PRSS55: variants seen among roughly 807,000 people sequenced by gnomAD.
The protein encoded by PRSS55 is serine protease 55.
Under a neutral mutation model 23.6 loss-of-function variants are expected in PRSS55, and 41 were observed. The ratio of observed to expected loss-of-function variants is 1.74; its 90% CI spans 1.35 to 2.26. PRSS55 has a LOEUF of 2.26. Among genes scored for constraint, PRSS55 ranks in the 30% most tolerant of loss-of-function variants. The probability of loss-of-function intolerance (pLI) is 0.00; values close to 1 mark genes in which losing one functional copy is unlikely to be tolerated. For missense variants in PRSS55, 669 were observed against 439.1 expected, an observed-to-expected ratio of 1.52 and a Z score of -4.68; for synonymous variants, 262 against 175.5, an observed-to-expected ratio of 1.49 and a Z score of -3.90.
rs1811983276 is a variant in PRSS55, at chr8:10,525,561, C to CG, written c.-22dup. On this transcript the variant is annotated 5_prime_UTR_variant, in exon 1 of 5. Coordinates refer to ENST00000328655, the MANE Select transcript of PRSS55 (RefSeq NM_198464.4). Reference sequence around the variant, plus strand: ...CCTCAGCCCTGGCCTCTGTCACCCCCGGGCCCACAGCACAGCCCAGGGCCA... The same window carrying CG: ...CCTCAGCCCTGGCCTCTGTCACCCCCGGGGCCCACAGCACAGCCCAGGGCCA... 1.2e-6 allele frequency: 2 copies of CG among 1,604,796 alleles called. No homozygotes were observed. The highest frequency in any genetic ancestry group is 1.7e-6 in the Non-Finnish European group (2 of 1,173,446).
chr8:10,535,492 T>A (rs1812423000), intron 4 of PRSS55, among the ~76,000 whole-genome samples: 1 of 152,224 alleles, frequency 6.6e-6, no homozygotes, highest in African/African-American at 2.4e-5. Flanking sequence ...CGATAAATGG[T>A]GTTGGGATAA....
At chr8:10,532,292 C>CA (rs1438192849) in intron 3 of PRSS55, among the ~76,000 whole-genome samples, 2 of 152,114 alleles carry the variant, frequency 1.3e-5, no homozygotes, top group Non-Finnish European at 2.9e-5. Flanking sequence ...AGAGGAGGCA[C>CA]ATGGGCATGC....
At chr8:10,545,774 C>T (rs1375124473) in intron 4 of PRSS55, among the ~76,000 whole-genome samples, 1 of 152,218 alleles carries the variant, frequency 6.6e-6, no homozygotes, top group Non-Finnish European at 1.5e-5. Context: ...ACTCACAAAG[C>T]ATCTCAGCGT....
At chr8:10,534,082 T>G (rs1462012725) in intron 4 of PRSS55, among the ~76,000 whole-genome samples, 1 of 151,808 alleles carries the variant, frequency 6.6e-6, no homozygotes, top group Non-Finnish European at 1.5e-5. Context: ...CACATGAACC[T>G]TGTATTTTCT....
At chr8:10,532,501 G>A (rs1295133398) in intron 3 of PRSS55, among the ~76,000 whole-genome samples, 3 of 152,102 alleles carry the variant, frequency 2.0e-5, no homozygotes, top group Non-Finnish European at 4.4e-5. Flanking sequence ...CACCGGGAGT[G>A]CAAACCCACT....
rs1398963139 is a variant in PRSS55 at position 10,531,288 on chromosome 8, C to G, written c.348-7C>G. 1 of 1,612,784 alleles carries G rather than the reference C, an allele frequency of 6.2e-7. No individual in the cohort carries two copies. Among genetic ancestry groups the G allele is most frequent in the Non-Finnish European group, 8.5e-7 (1 of 1,178,954 alleles). On this transcript the variant is annotated splice_polypyrimidine_tract_variant and splice_region_variant and intron_variant, in intron 2 of 4. Transcript: ENST00000328655. ...CCACTTGCCCCTCTCTGGTTCTCTG[C>G]CACCAGTCCAGAAGAACTGAGTGTC...
chr8:10,542,403 G>C, downstream of PRSS55, among the ~76,000 whole-genome samples: 1 of 111,038 alleles, frequency 9.0e-6, no homozygotes, highest in African/African-American at 3.6e-5. Context: ...ATTTGGCCTA[G>C]AAGCACCATG....
chr8:10,529,847 C>A lies in PRSS55; in HGVS notation c.347+148C>A. 1.0e-5 allele frequency: 8 copies of A among 796,534 alleles called. 1 individual carries two copies. The highest frequency in any genetic ancestry group is 5.1e-5 in the South Asian group (3 of 58,688). The allele number at this position is 796,534 out of a possible 1,614,324, so 49.3% of individuals were successfully genotyped here. A position where few individuals can be genotyped will look rare whatever the true frequency, so the allele number is the denominator to read the frequency against. On this transcript the variant is annotated intron_variant, in intron 2 of 4. Coordinates refer to ENST00000328655, the MANE Select transcript of PRSS55 (RefSeq NM_198464.4). ...TGGCTCCCACCCATCCACCCACCCC[C>A]CAGCCTGTGGGGACGTGGAGGTAGC...
intron 4 of PRSS55, among the ~76,000 whole-genome samples, chr8:10,538,040 T>C (rs949589143): frequency 6.6e-6 from 1 of 152,212 alleles, no homozygotes; most frequent in Non-Finnish European, 1.5e-5. Flanking sequence ...TCTGTGCTTC[T>C]GCAAGAACAC....
At chr8:10,544,116 G>C (rs1812748595) in intron 4 of PRSS55, among the ~76,000 whole-genome samples, 1 of 150,986 alleles carries the variant, frequency 6.6e-6, no homozygotes, top group Non-Finnish European at 1.5e-5. Flanking sequence ...TATTTAACAT[G>C]AGATTTAAGT....
At position 10,532,991 on chromosome 8, in the gene PRSS55, AC is replaced by A; in HGVS notation, c.685del (p.Thr230ProfsTer41). On this transcript the variant is annotated frameshift_variant, in exon 4 of 5. Coordinates refer to ENST00000328655, the MANE Select transcript of PRSS55 (RefSeq NM_198464.4). LOFTEE classifies it high-confidence loss of function. The part of the protein sequence containing the change: ...WEECSKMFPK[L>X]TKNMLCAGYK... Reference sequence around the variant, plus strand: ...AGGAGTGTTCAAAGATGTTTCCAAAACTTACCAAAAATATGCTGTGTGCCGG... The same window carrying A: ...AGGAGTGTTCAAAGATGTTTCCAAAATTACCAAAAATATGCTGTGTGCCGG... The A allele has an allele frequency of 6.2e-7, 1 of 1,614,178 alleles. No individual in the cohort carries two copies. The highest frequency in any genetic ancestry group is 8.5e-7 in the Non-Finnish European group (1 of 1,180,034).
intron 4 of PRSS55, among the ~76,000 whole-genome samples, chr8:10,545,502 C>T (rs772729984): frequency 3.9e-5 from 6 of 152,156 alleles, no homozygotes; most frequent in Non-Finnish European, 8.8e-5. Flanking sequence ...CTATGCTTAT[C>T]TCTTCTTGGG....
At chr8:10,534,919 G>T (rs533997192) in intron 4 of PRSS55, among the ~76,000 whole-genome samples, 5 of 152,050 alleles carry the variant, frequency 3.3e-5, no homozygotes, top group Admixed American at 3.3e-4. Flanking sequence ...ATATACACCA[G>T]ACAACACACA....
rs757923057 is a variant in PRSS55 at position 10,538,690 on chromosome 8, C to T, written c.956C>T (p.Pro319Leu). ...AGGAGGACTTCTGTCAAACAGAAAC[C>T]TATGGGCTCCCCAGTCTCGGGAGTC... ...EKRRTSVKQKPMGSPVSGVPE... is the reference protein window; with the variant it reads ...EKRRTSVKQKLMGSPVSGVPE... Residue 319 changes from proline to leucine, a missense_variant, in exon 5 of 5, where the codon CCT (proline) becomes CTT (leucine). Pro to Leu is a moderately conservative substitution (Grantham distance 98). Transcript: ENST00000328655. The T allele has an allele frequency of 1.2e-6, 2 of 1,614,078 alleles. No homozygotes were observed. Among genetic ancestry groups the T allele is most frequent in the Admixed American group, 1.7e-5 (1 of 60,016 alleles).
chr8:10,543,972 A>G (rs1462605966), intron 4 of PRSS55, among the ~76,000 whole-genome samples: 1 of 152,108 alleles, frequency 6.6e-6, no homozygotes, highest in Non-Finnish European at 1.5e-5. Context: ...TATTTTATGT[A>G]CTGTATTTTA....
intron 3 of PRSS55, 124 bp from the exon 4 acceptor site, chr8:10,532,782 C>T: frequency 4.9e-6 from 6 of 1,213,320 alleles, no homozygotes; most frequent in Middle Eastern, 2.6e-4. Flanking sequence ...TGAGGGGCTG[C>T]AGAGCCTGTG....
rs1295304344 is a variant in PRSS55 at position 10,530,882 on chromosome 8, G to C, written c.348-413G>C. Among the ~76,000 whole-genome samples the C allele has an allele frequency of 3.3e-5, 5 of 152,128 alleles. No individual in the cohort carries two copies. In the East Asian group the frequency reaches 9.6e-4, roughly 29 times the overall value. On this transcript the variant is annotated intron_variant, in intron 2 of 4. Transcript: ENST00000328655. ...GGTCTAGACTAACTTCTGGTCCTGA[G>C]TTTCTAAAGTGCTGGTAGACCAGTT...
chr8:10,534,749 C>A (rs151044062), intron 4 of PRSS55, among the ~76,000 whole-genome samples: 25 of 152,230 alleles, frequency 1.6e-4, no homozygotes, highest in African/African-American at 5.8e-4. Context: ...TGAAAGGCAT[C>A]CAAATAAGAA....
rs761619011 is a variant in PRSS55 at position 10,525,551 on chromosome 8, C to G, written c.-35C>G. ...AGCCTCACTGCCTCAGCCCTGGCCTCTGTCACCCCCGGGCCCACAGCACAG... is the reference window on the plus strand; with the variant it reads ...AGCCTCACTGCCTCAGCCCTGGCCTGTGTCACCCCCGGGCCCACAGCACAG... On this transcript the variant is annotated 5_prime_UTR_variant, in exon 1 of 5. Transcript: ENST00000328655. 6.2e-6 allele frequency: 10 copies of G among 1,600,516 alleles called. No individual in the cohort carries two copies. The highest frequency in any genetic ancestry group is 1.8e-4 in the Middle Eastern group (1 of 5,654).
Sources: gnomAD v4.1 joint callset for allele counts (sites outside exome capture counted in the v4.1 genomes callset) on GRCh38, gnomAD v4.1.1 for gene constraint, MANE v1.5 for transcripts, NCBI Gene and HGNC (gene_info 2026-07-23, HGNC 2026-07-21) for gene names.